CELF5: variants seen among roughly 807,000 people sequenced by gnomAD.
CELF5 encodes the protein CUGBP Elav-like family member 5, also known as CUG-BP and ETR-3 like factor 5.
CELF5 carries 6 observed loss-of-function variants against 54.9 expected under a neutral mutation model. The observed-to-expected ratio is 0.11, with a 90% CI of 0.06 to 0.22. The LOEUF is 0.22. CELF5 is among the 10% of genes least tolerant of loss of function. The pLI is 1.00. For synonymous variants in CELF5, 271 were observed against 290.9 expected (o/e 0.93, Z 0.70); for missense variants, 401 against 678.6 (o/e 0.59, Z 4.54).
intron 1 of CELF5, among the ~76,000 whole-genome samples, chr19:3,230,077 C>CTCATTCATTCATTCAT (rs113956897): frequency 2.7e-4 from 41 of 149,206 alleles, no homozygotes; most frequent in Non-Finnish European, 4.9e-4. Flanking sequence ...TAGGACCACA[C>CTCATTCATTCATTCAT]TCATTCATTC....
At chr19:3,241,065 C>CTT (rs529201613) in intron 1 of CELF5, among the ~76,000 whole-genome samples, 10,976 of 139,432 alleles carry the variant, frequency 0.079, 505 homozygotes, top group Middle Eastern at 0.16. Context: ...AAGATCAGTT[C>CTT]TTTTTTTTTT....
intron 2 of CELF5, among the ~76,000 whole-genome samples, chr19:3,269,135 C>T (rs193162573): frequency 6.6e-6 from 1 of 152,152 alleles, no homozygotes; most frequent in Non-Finnish European, 1.5e-5. Context: ...ACCTTCCTTC[C>T]TTCTCTCCAC....
At chr19:3,254,182 C>A (rs190069513) in intron 2 of CELF5, among the ~76,000 whole-genome samples, 119 of 152,294 alleles carry the variant, frequency 7.8e-4, no homozygotes, top group Non-Finnish European at 8.5e-4. Context: ...GCAGCTCCTT[C>A]TCTGCATCCA....
At chr19:3,258,573 C>T (rs573339420) in intron 2 of CELF5, among the ~76,000 whole-genome samples, 2 of 152,050 alleles carry the variant, frequency 1.3e-5, no homozygotes, top group Admixed American at 1.3e-4. Context: ...TCCACAGATC[C>T]CCAGGGCTAG....
intron 1 of CELF5, among the ~76,000 whole-genome samples, chr19:3,234,564 G>A (rs972607865): frequency 6.6e-6 from 1 of 152,098 alleles, no homozygotes; most frequent in Admixed American, 6.5e-5. Context: ...AGATGATCCG[G>A]CCCCAAGCAT....
intron 1 of CELF5, among the ~76,000 whole-genome samples, chr19:3,227,413 T>C (rs1335403263): frequency 1.3e-5 from 2 of 152,302 alleles, no homozygotes; most frequent in African/African-American, 2.4e-5. Flanking sequence ...GGGCTGTTTC[T>C]GGGAGCCCTG....
At chr19:3,248,769 G>T (rs188442069) in intron 1 of CELF5, among the ~76,000 whole-genome samples, 7 of 152,124 alleles carry the variant, frequency 4.6e-5, no homozygotes, top group Admixed American at 3.9e-4. Context: ...GTAATTTTGT[G>T]TTTCGTTTCT....
chr19:3,253,454 G>C (rs2079678183), intron 2 of CELF5, among the ~76,000 whole-genome samples: 1 of 152,142 alleles, frequency 6.6e-6, no homozygotes, highest in South Asian at 2.1e-4. Flanking sequence ...TTCTCACCAC[G>C]TGGGCTTCTC....
chr19:3,266,554 C>T (rs2079884856), intron 2 of CELF5, among the ~76,000 whole-genome samples: 1 of 152,212 alleles, frequency 6.6e-6, no homozygotes, highest in South Asian at 2.1e-4. Flanking sequence ...CATCCATTCC[C>T]CTGTTGGGGG....
intron 1 of CELF5, among the ~76,000 whole-genome samples, chr19:3,235,512 G>GAAT (rs1917505147): frequency 1.3e-5 from 1 of 79,290 alleles, no homozygotes; most frequent in Non-Finnish European, 2.7e-5. Flanking sequence ...GTGGGTGGAT[G>GAAT]GATGGATGGA....
chr19:3,276,022 C>A (rs758773385), intron 4 of CELF5, 38 bp downstream of exon 4: 24 of 1,050,484 alleles, frequency 2.3e-5, no homozygotes, highest in South Asian at 7.4e-5. Context: ...GCGAGAGGGG[C>A]CGGGCTAGCT....
At chr19:3,285,270 C>T (rs569242195) in intron 9 of CELF5, among the ~76,000 whole-genome samples, 3 of 152,146 alleles carry the variant, frequency 2.0e-5, no homozygotes, top group African/African-American at 7.2e-5. Flanking sequence ...CCCTTGACCA[C>T]GTCTCTAGCT....
chr19:3,284,912 G>T lies in CELF5; in HGVS notation c.1050G>T (p.Pro350=), dbSNP rs755580056. The T allele has an allele frequency of 1.2e-6, 2 of 1,612,838 alleles. No homozygotes were observed. The highest frequency in any genetic ancestry group is 2.2e-5 in the South Asian group (2 of 90,932). ...NGLVPYPAQS[P]TVAETLHPAF... Reference sequence around the variant, plus strand: ...TCTGTCTGCCCGCAGCTCAGAGCCCGACTGTGGCCGAGACACTGCATCCTG... The same window carrying T: ...TCTGTCTGCCCGCAGCTCAGAGCCCTACTGTGGCCGAGACACTGCATCCTG... The change falls in exon 9 of 13, where the codon CCG becomes CCT. Residue 350 remains proline (P), a synonymous_variant. Transcript: ENST00000292672.
At chr19:3,252,183 C>T (rs967576713) in intron 2 of CELF5, among the ~76,000 whole-genome samples, 1 of 152,136 alleles carries the variant, frequency 6.6e-6, no homozygotes, top group African/African-American at 2.4e-5. Context: ...ACTATAGGTG[C>T]ATGCCATCAC....
rs753943293 is a variant in CELF5, at chr19:3,275,908, C to T, written c.447C>T (p.Asp149=). 5 of 1,612,196 alleles carry T rather than the reference C, an allele frequency of 3.1e-6. No homozygotes were observed. Among genetic ancestry groups the T allele is most frequent in the Non-Finnish European group, 3.4e-6 (4 of 1,179,476 alleles). The change falls in exon 4 of 13, where the codon GAC becomes GAT. Residue 149 remains aspartate (D), a synonymous_variant. Transcript: ENST00000292672. This position sits in a 1 kb window ranked among gnomAD's most constrained non-coding sequence, Gnocchi z 6.7. ...TGAACAAGCAGCAGTCGGAGGAGGA[C>T]GTGCTGCGGCTGTTCCAGCCCTTCG... ...GMLNKQQSEE[D]VLRLFQPFGV...
chr19:3,288,492 A>C (rs577507088), intron 10 of CELF5, among the ~76,000 whole-genome samples: 164 of 152,190 alleles, frequency 1.1e-3, no homozygotes, highest in African/African-American at 3.8e-3. Flanking sequence ...ATTGCACTCC[A>C]GCCTGGGCAA....
intron 2 of CELF5, among the ~76,000 whole-genome samples, chr19:3,257,658 T>C (rs1270105439): frequency 1.3e-5 from 2 of 151,498 alleles, no homozygotes; most frequent in African/African-American, 4.8e-5. Context: ...GTATTTTTAG[T>C]AGAGACGGGG....
chr19:3,235,646 G>GTGGATGGATGGATGGA lies in CELF5; in HGVS notation c.259+10667_259+10682dup, dbSNP rs1273273181. Among the ~76,000 whole-genome samples the GTGGATGGATGGATGGA allele has an allele frequency of 6.9e-3, 307 of 44,608 alleles. 5 individuals are homozygous for GTGGATGGATGGATGGA. Among genetic ancestry groups the GTGGATGGATGGATGGA allele is most frequent in the African/African-American group, 0.021 (238 of 11,320 alleles). 29.3% of individuals were successfully genotyped at this position (44,608 alleles called of 152,430 possible). Reference sequence around the variant, plus strand: ...GGTGGGTGGGTGGATGGGTGGATGAGTGGATGGATGGATGGATGGATGGAT... The same window carrying GTGGATGGATGGATGGA: ...GGTGGGTGGGTGGATGGGTGGATGAGTGGATGGATGGATGGATGGATGGATGGATGGATGGATGGAT... On this transcript the variant is annotated intron_variant, in intron 1 of 12. Transcript: ENST00000292672.
Position 3,282,362 on chromosome 19 carries a change from A to G in CELF5, c.903A>G (p.Ser301=). 6.2e-7 allele frequency: 1 copy of G among 1,608,736 alleles called. No individual in the cohort carries two copies. Among genetic ancestry groups the G allele is most frequent in the South Asian group, 1.1e-5 (1 of 90,976 alleles). Residue 301 remains serine (S), a synonymous_variant, in exon 8 of 13, where the codon TCA becomes TCG. Transcript: ENST00000292672. This position sits in a 1 kb window ranked among gnomAD's most constrained non-coding sequence, Gnocchi z 5.2. ...TPIAPASGLH[S]PPLLGTTAVP... ...TCTTCCGCTCTGCAGGGCTGCACTC[A>G]CCCCCGCTGCTGGGCACCACCGCTG... is the stretch of plus-strand genomic sequence containing the variant.
Sources: gnomAD v4.1 joint callset for allele counts (sites outside exome capture counted in the v4.1 genomes callset) on GRCh38, gnomAD v4.1.1 for gene constraint, Gnocchi (gnomAD v3.1) non-coding constraint, MANE v1.5 for transcripts, NCBI Gene and HGNC (gene_info 2026-07-23, HGNC 2026-07-21) for gene names.